CEP41: variants seen among roughly 807,000 people sequenced by gnomAD.
CEP41 encodes the protein centrosomal protein of 41 kDa.
In CEP41, 32 loss-of-function variants were observed where a neutral mutation model predicts 44.3. That is an observed-to-expected ratio of 0.72 (90% CI 0.54 to 0.97). CEP41 has a LOEUF of 0.97. Ranked by LOEUF, CEP41 falls within the 50% of genes least tolerant of loss-of-function variation. The pLI, the probability that CEP41 is intolerant of heterozygous loss-of-function variation, is 0.00. For missense variants in CEP41, 432 were observed against 455.2 expected (o/e 0.95, Z 0.46); for synonymous variants, 151 against 168.5 (o/e 0.90, Z 0.80).
intron 5 of CEP41, among the ~76,000 whole-genome samples, chr7:130,409,102 T>C (rs1167769851): frequency 6.6e-6 from 1 of 152,208 alleles, no homozygotes. Flanking sequence ...TTACTAGAAA[T>C]ACACTTTTAA....
chr7:130,410,202 T>A (rs1797138967), intron 5 of CEP41, among the ~76,000 whole-genome samples: 1 of 151,352 alleles, frequency 6.6e-6, no homozygotes, highest in South Asian at 2.1e-4. Flanking sequence ...ATTTTTCTAT[T>A]TTTTTTAGTA....
chr7:130,399,050 C>CAAGA lies in CEP41; in HGVS notation c.974-15_974-12dup, dbSNP rs782773094. ...CTTGGTTCAGTCGGCCTGAAGGGAGCAAGAAAGAAGGAACAGAGCTGCAAG... is the reference window on the plus strand; with the variant it reads ...CTTGGTTCAGTCGGCCTGAAGGGAGCAAGAAAGAAAGAAGGAACAGAGCTGCAAG... On this transcript the variant is annotated splice_polypyrimidine_tract_variant and intron_variant, in intron 10 of 10. Coordinates refer to ENST00000223208, the MANE Select transcript of CEP41 (RefSeq NM_018718.3). The CAAGA allele has an allele frequency of 1.9e-6, 3 of 1,613,400 alleles. No homozygotes were observed. Among genetic ancestry groups the CAAGA allele is most frequent in the Non-Finnish European group, 2.5e-6 (3 of 1,180,010 alleles).
rs535655259 is a variant in CEP41, at chr7:130,406,024, A to G, written c.278-1316T>C. Reference sequence around the variant, plus strand: ...GTAAAACAACGACGTTCTCAGCAAAATTTTGTTTTGGAAATAATGCTATTT... The same window carrying G: ...GTAAAACAACGACGTTCTCAGCAAAGTTTTGTTTTGGAAATAATGCTATTT... On this transcript the variant is annotated intron_variant, in intron 5 of 10. Coordinates refer to ENST00000223208, the MANE Select transcript of CEP41 (RefSeq NM_018718.3). 2.6e-5 allele frequency among the ~76,000 whole-genome samples: 4 copies of G among 152,294 alleles called. No homozygotes were observed. In the East Asian group the frequency reaches 7.7e-4, roughly 29 times the overall value.
upstream of CEP41, chr7:130,441,114 T>G (rs1554427730): frequency 1.2e-6 from 1 of 842,990 alleles, no homozygotes; most frequent in South Asian, 1.4e-5. Flanking sequence ...GGGGGCCCCG[T>G]TTACTCTCTC....
chr7:130,436,467 G>A (rs1797966957), intron 1 of CEP41, among the ~76,000 whole-genome samples: 1 of 152,148 alleles, frequency 6.6e-6, no homozygotes, highest in African/African-American at 2.4e-5. Context: ...TCTTTATCTT[G>A]ATTGCAAATC....
At chr7:130,434,713 T>C (rs1273039722) in intron 1 of CEP41, among the ~76,000 whole-genome samples, 2 of 152,210 alleles carry the variant, frequency 1.3e-5, no homozygotes, top group East Asian at 3.8e-4. Flanking sequence ...TAACACTATT[T>C]TTGTAAAATT....
rs542786464 is a variant in CEP41 at position 130,400,883 on chromosome 7, C to A, written c.643-62G>T. On this transcript the variant is annotated intron_variant, in intron 8 of 10. Coordinates refer to ENST00000223208, the MANE Select transcript of CEP41 (RefSeq NM_018718.3). ...GCTGATGTCCCAAGACTACGAGAAACCCCCAAGGAATAAAAGGTCAGGTCC... is the reference window on the plus strand; with the variant it reads ...GCTGATGTCCCAAGACTACGAGAAAACCCCAAGGAATAAAAGGTCAGGTCC... The A allele has an allele frequency of 2.4e-4, 255 of 1,084,104 alleles. 2 individuals are homozygous for A. The African/African-American group carries it at 3.5e-3, about 15-fold the overall frequency. 67.2% of individuals were successfully genotyped at this position (1,084,104 alleles called of 1,614,324 possible).
chr7:130,441,056 T>A, upstream of CEP41: 1 of 1,422,788 alleles, frequency 7.0e-7, no homozygotes, highest in Non-Finnish European at 9.8e-7. Flanking sequence ...TTCAGCCGCC[T>A]CCCTATACCC....
At chr7:130,436,011 G>A (rs547522135) in intron 1 of CEP41, among the ~76,000 whole-genome samples, 18 of 152,176 alleles carry the variant, frequency 1.2e-4, no homozygotes, top group Admixed American at 2.6e-4. Flanking sequence ...AAAATTGGCC[G>A]GGCACAGTGG....
In CEP41 at chr7:130,419,277, A is replaced by T. The variant is rs1385446039; in HGVS notation, c.98-2311T>A. ...CATTCTATCCAAGAATGGGGAAAAA[A>T]GGAGAATGGAGGATTTCTTCCTTGC... On this transcript the variant is annotated intron_variant, in intron 2 of 10. Coordinates refer to ENST00000223208, the MANE Select transcript of CEP41 (RefSeq NM_018718.3). 10 of 985,314 alleles carry T rather than the reference A, an allele frequency of 1.0e-5. No homozygotes were observed. The East Asian group carries it at 1.1e-3, about 112-fold the overall frequency. 61.0% of individuals were successfully genotyped at this position (985,314 alleles called of 1,614,324 possible).
rs782704307 is a variant in CEP41, at chr7:130,400,785, C to T, written c.679G>A (p.Asp227Asn). ...AHGKIIILYD[D>N]DERLASQAAT... ...GCCTGACTGGCCAGCCTTTCATCAT[C>T]GTCATACAGAATGATGATCTTGCCA... Residue 227 changes from aspartate to asparagine, a missense_variant, in exon 9 of 11, where the codon GAT becomes AAT. Asp to Asn is a conservative substitution (Grantham distance 23). Transcript: ENST00000223208. 84 of 1,613,184 alleles carry T rather than the reference C, an allele frequency of 5.2e-5. No homozygotes were observed. In the Admixed American group the frequency reaches 1.3e-3, roughly 25 times the overall value.
chr7:130,412,200 T>C lies in CEP41; in HGVS notation c.186A>G (p.Lys62=), dbSNP rs1797202624. Residue 62 remains lysine, a synonymous_variant, in exon 4 of 11, where the codon AAA becomes AAG. Coordinates refer to ENST00000223208, the MANE Select transcript of CEP41 (RefSeq NM_018718.3). ...YKKDELFKRL[K]VTTFAQLIIQ... ...TTACCAGCTGGGCAAAAGTTGTAAC[T>C]TTTAGTCTCTTGAAAAGCTCATCTT... 4 of 1,551,656 alleles carry C rather than the reference T, an allele frequency of 2.6e-6. No individual in the cohort carries two copies. The highest frequency in any genetic ancestry group is 3.6e-6 in the Non-Finnish European group (4 of 1,123,210).
chr7:130,398,987 G>A lies in CEP41; in HGVS notation c.1026C>T (p.Ala342=). 1 of 1,614,206 alleles carries A rather than the reference G, an allele frequency of 6.2e-7. No individual in the cohort carries two copies. Among genetic ancestry groups the A allele is most frequent in the Non-Finnish European group, 8.5e-7 (1 of 1,180,044 alleles). The stretch of plus-strand genomic sequence containing the variant: ...CACCTGGCAGATTCTGAGCGCTTCG[G>A]GCACCAGGCACCTTGGACTCTCTTC... ...SSGRESKVPG[A]RSAQNLPGGG... The change falls in exon 11 of 11, where the codon GCC becomes GCT. Residue 342 remains alanine, a synonymous_variant. Transcript: ENST00000223208.
Position 130,398,714 on chromosome 7 carries a change from C to T in CEP41, c.*177G>A, listed in dbSNP as rs781956932. On this transcript the variant is annotated 3_prime_UTR_variant, in exon 11 of 11. Transcript: ENST00000223208. ...TTTATGGTCACCTGTCAAAATCCTT[C>T]CTGAGGTGGCCTCCTGAGGGGAGAG... 2.5e-6 allele frequency: 2 copies of T among 809,540 alleles called. No individual in the cohort carries two copies. The highest frequency in any genetic ancestry group is 4.3e-6 in the Non-Finnish European group (2 of 460,642). The allele number at this position is 809,540 out of a possible 1,614,324, so 50.1% of individuals were successfully genotyped here.
At chr7:130,437,362 G>A (rs1302457873) in intron 1 of CEP41, among the ~76,000 whole-genome samples, 11 of 110,664 alleles carry the variant, frequency 9.9e-5, no homozygotes, top group African/African-American at 4.0e-4. Context: ...GTCACACTGG[G>A]GACAAAAAAA....
At chr7:130,412,083 C>T (rs1288806435) in intron 4 of CEP41, 96 bp downstream of exon 4, 2 of 787,688 alleles carry the variant, frequency 2.5e-6, no homozygotes, top group African/African-American at 3.4e-5. Flanking sequence ...TCAGAAGAAA[C>T]TCCTCTGCAA....
chr7:130,401,761 T>C (rs1227135897), intron 8 of CEP41, 120 bp downstream of exon 8: 3 of 701,450 alleles, frequency 4.3e-6, no homozygotes, highest in Admixed American at 2.1e-5. Flanking sequence ...TTCTAAAATA[T>C]GCTCAGCCAA....
At chr7:130,440,460 T>A (rs1484333724) in intron 1 of CEP41, 1 of 235,702 alleles carries the variant, frequency 4.2e-6, no homozygotes, top group African/African-American at 2.3e-5. Flanking sequence ...ATGAAGAAAC[T>A]GAAGGGTCCT....
At chr7:130,432,586 C>CCCAA (rs1797853034) in intron 1 of CEP41, among the ~76,000 whole-genome samples, 1 of 56,706 alleles carries the variant, frequency 1.8e-5, no homozygotes, top group African/African-American at 7.4e-5. Flanking sequence ...ACTTTGTTTC[C>CCCAA]ACAAAAAAAA....
Sources: gnomAD v4.1 joint callset for allele counts (sites outside exome capture counted in the v4.1 genomes callset) on GRCh38, gnomAD v4.1.1 for gene constraint, MANE v1.5 for transcripts, NCBI Gene and HGNC (gene_info 2026-07-23, HGNC 2026-07-21) for gene names.